The following FOCAD variants were observed in gnomAD, a reference collection of about 807,000 sequenced individuals.
FOCAD encodes KIAA1797.
A neutral mutation model predicts 225.6 loss-of-function variants in FOCAD; 198 were observed. That is an observed-to-expected ratio of 0.88 (90% CI 0.78 to 0.99). The LOEUF (loss-of-function observed/expected upper bound fraction) is 0.99, where lower values mean the gene tolerates loss of function less well. Ranked by LOEUF, FOCAD falls within the 50% of genes least tolerant of loss-of-function variation. The probability of loss-of-function intolerance (pLI) is 0.00; values close to 1 mark genes in which losing one functional copy is unlikely to be tolerated. For missense variants in FOCAD, 2,713 were observed against 2,123.6 expected (o/e 1.28, Z -5.46); for synonymous variants, 897 against 755.0 (o/e 1.19, Z -3.08).
intron 15 of FOCAD, among the ~76,000 whole-genome samples, chr9:20,857,764 A>G (rs1456161111): frequency 1.6e-5 from 2 of 121,770 alleles, no homozygotes; most frequent in African/African-American, 3.4e-5. Context: ...TTCTTTCTAT[A>G]CCCAGTTTTT....
At chr9:20,810,675 T>C (rs969150190) in intron 11 of FOCAD, among the ~76,000 whole-genome samples, 2 of 152,124 alleles carry the variant, frequency 1.3e-5, no homozygotes, top group Non-Finnish European at 2.9e-5. Flanking sequence ...CATTACATCA[T>C]GATTTAAGTT....
intron 4 of FOCAD, among the ~76,000 whole-genome samples, chr9:20,734,464 A>AT (rs1358568370): frequency 1.3e-5 from 2 of 152,098 alleles, no homozygotes; most frequent in African/African-American, 4.8e-5. Context: ...TTAAACTTGC[A>AT]TTTTTCCACA....
At chr9:20,810,217 G>A (rs35612917) in intron 11 of FOCAD, among the ~76,000 whole-genome samples, 24,516 of 152,084 alleles carry the variant, frequency 0.16, 2,510 homozygotes, top group Non-Finnish European at 0.21. Flanking sequence ...ATGGCAACAT[G>A]TATGGGTTCT....
At chr9:20,781,618 G>C in intron 9 of FOCAD, 109 bp from the exon 10 acceptor site, 1 of 853,626 alleles carries the variant, frequency 1.2e-6, no homozygotes, top group African/African-American at 1.7e-5. Flanking sequence ...GTCTGACCCA[G>C]TTATAAAAGG....
At chr9:20,853,817 T>C (rs1827905191) in intron 15 of FOCAD, among the ~76,000 whole-genome samples, 1 of 151,788 alleles carries the variant, frequency 6.6e-6, no homozygotes, top group Non-Finnish European at 1.5e-5. Flanking sequence ...AATAAACCTG[T>C]GCTAGTCATT....
At chr9:20,984,388 C>T (rs1469405866) in intron 39 of FOCAD, among the ~76,000 whole-genome samples, 1 of 151,984 alleles carries the variant, frequency 6.6e-6, no homozygotes, top group African/African-American at 2.4e-5. Context: ...GTTGAGGATG[C>T]CAAAGAGCTT....
chr9:20,817,876 T>C (rs1207672603), intron 11 of FOCAD, among the ~76,000 whole-genome samples: 3 of 152,206 alleles, frequency 2.0e-5, no homozygotes, highest in Non-Finnish European at 2.9e-5. Context: ...TGGACATATG[T>C]GTTCTTTTTT....
At chr9:20,963,699 C>T (rs898772970) in intron 35 of FOCAD, among the ~76,000 whole-genome samples, 1 of 152,150 alleles carries the variant, frequency 6.6e-6, no homozygotes, top group African/African-American at 2.4e-5. Flanking sequence ...CTAAGAAAAC[C>T]CCAAAAAGCA....
intron 15 of FOCAD, among the ~76,000 whole-genome samples, chr9:20,845,654 C>T (rs1305420726): frequency 6.6e-6 from 1 of 151,856 alleles, no homozygotes; most frequent in Non-Finnish European, 1.5e-5. Context: ...AATGGGGCTG[C>T]CGGTCCAAGG....
At chr9:20,852,707 C>T (rs1407429241) in intron 15 of FOCAD, among the ~76,000 whole-genome samples, 3 of 151,754 alleles carry the variant, frequency 2.0e-5, no homozygotes, top group African/African-American at 7.3e-5. Context: ...TGATACACAG[C>T]ATATTGATTC....
chr9:20,950,302 T>C (rs1489327855), intron 33 of FOCAD, among the ~76,000 whole-genome samples: 1 of 152,180 alleles, frequency 6.6e-6, no homozygotes, highest in Non-Finnish European at 1.5e-5. Flanking sequence ...ATTCTTAGTG[T>C]ATATAGAACT....
intron 11 of FOCAD, among the ~76,000 whole-genome samples, chr9:20,814,034 A>G (rs1301541955): frequency 1.3e-5 from 2 of 152,114 alleles, no homozygotes; most frequent in Admixed American, 6.6e-5. Context: ...TCTTTTGGTT[A>G]CCATTTGTAT....
intron 1 of FOCAD, among the ~76,000 whole-genome samples, chr9:20,698,139 T>A (rs1169819439): frequency 6.6e-6 from 1 of 152,216 alleles, no homozygotes; most frequent in East Asian, 1.9e-4. Context: ...AACATTTTAT[T>A]TTTTTATTTG....
chr9:20,832,467 C>T (rs572558867), intron 15 of FOCAD, among the ~76,000 whole-genome samples: 1 of 151,896 alleles, frequency 6.6e-6, no homozygotes, highest in East Asian at 1.9e-4. Context: ...TGTTTTGATA[C>T]AGGCACGCAA....
Position 20,767,070 on chromosome 9 carries a change from T to A in FOCAD, c.699+1997T>A, listed in dbSNP as rs538274017. On this transcript the variant is annotated intron_variant, in intron 7 of 43. Transcript: ENST00000338382. ...ATTCCCACCTATGAGTGAGAATATG[T>A]GGTGTTTGGTTTTTTGTTCTTGCGA... is the stretch of plus-strand genomic sequence containing the variant. 3.2e-3 allele frequency among the ~76,000 whole-genome samples: 478 copies of A among 150,634 alleles called. 2 individuals are homozygous for A. The highest frequency in any genetic ancestry group is 0.011 in the African/African-American group (460 of 41,056).
intron 1 of FOCAD, among the ~76,000 whole-genome samples, chr9:20,705,064 A>G (rs893359414): frequency 3.3e-5 from 5 of 152,208 alleles, no homozygotes; most frequent in African/African-American, 1.2e-4. Context: ...TCTTTGCCTC[A>G]GTGTCTTAAT....
At chr9:20,881,798 A>C in intron 19 of FOCAD, 73 bp from the exon 20 acceptor site, 1 of 1,450,352 alleles carries the variant, frequency 6.9e-7, no homozygotes, top group South Asian at 1.2e-5. Context: ...TTTGTATATG[A>C]GTTAAGAACG....
At chr9:20,860,200 G>A (rs1358026309) in intron 15 of FOCAD, among the ~76,000 whole-genome samples, 1 of 152,120 alleles carries the variant, frequency 6.6e-6, no homozygotes, top group Non-Finnish European at 1.5e-5. Flanking sequence ...TAATATTGGT[G>A]CAGTGCTGTT....
At chr9:20,794,704 A>G (rs1820876936) in intron 11 of FOCAD, among the ~76,000 whole-genome samples, 1 of 152,246 alleles carries the variant, frequency 6.6e-6, no homozygotes, top group Admixed American at 6.5e-5. Context: ...AGGAAAAGAA[A>G]AAATTACTTA....
Sources: gnomAD v4.1 joint callset for allele counts (sites outside exome capture counted in the v4.1 genomes callset) on GRCh38, gnomAD v4.1.1 for gene constraint, MANE v1.5 for transcripts, NCBI Gene and HGNC (gene_info 2026-07-23, HGNC 2026-07-21) for gene names.